The following MARCHF1 variants were observed in gnomAD, a reference collection of about 807,000 sequenced individuals.
MARCHF1 encodes the protein membrane associated ring-CH-type finger 1, also known as E3 ubiquitin-protein ligase MARCHF1.
In MARCHF1, 40 loss-of-function variants were observed where a neutral mutation model predicts 54.2. That is an observed-to-expected ratio of 0.74 (90% CI 0.57 to 0.96). The LOEUF (loss-of-function observed/expected upper bound fraction) is 0.96, where lower values mean the gene tolerates loss of function less well. Among genes scored for constraint, MARCHF1 ranks in the 40% least tolerant of loss-of-function variants. The pLI is 0.00. For synonymous variants in MARCHF1, 236 were observed against 236.3 expected (o/e 1.00, Z 0.01); for missense variants, 586 against 656.5 (o/e 0.89, Z 1.17).
chr4:164,136,105 A>G (rs1369325347), intron 1 of MARCHF1, among the ~76,000 whole-genome samples: 1 of 151,598 alleles, frequency 6.6e-6, no homozygotes, highest in Non-Finnish European at 1.5e-5. Flanking sequence ...GCAGATCAGC[A>G]TCAGTTTAAA....
chr4:163,917,007 TCTC>T (rs1751322023), intron 3 of MARCHF1, among the ~76,000 whole-genome samples: 1 of 152,116 alleles, frequency 6.6e-6, no homozygotes, highest in Admixed American at 6.6e-5. Flanking sequence ...CTCCTATTCA[TCTC>T]CTCCCCACAA....
At chr4:163,708,089 G>A (rs942787798) in intron 4 of MARCHF1, among the ~76,000 whole-genome samples, 1 of 151,574 alleles carries the variant, frequency 6.6e-6, no homozygotes, top group Non-Finnish European at 1.5e-5. Flanking sequence ...CTGGGAGTTA[G>A]TTGCAATCCC....
At chr4:164,323,378 GT>G in intron 1 of MARCHF1, among the ~76,000 whole-genome samples, 1 of 151,640 alleles carries the variant, frequency 6.6e-6, no homozygotes, top group East Asian at 1.9e-4. Flanking sequence ...AAAATATACA[GT>G]CTGTAGTGCC....
intron 8 of MARCHF1, among the ~76,000 whole-genome samples, chr4:163,578,086 C>G (rs759726527): frequency 1.5e-4 from 22 of 151,612 alleles, no homozygotes; most frequent in Non-Finnish European, 2.7e-4. Context: ...TTTATGCTTT[C>G]CATATAGATC....
At chr4:164,261,375 G>A (rs13101409) in intron 1 of MARCHF1, among the ~76,000 whole-genome samples, 17,596 of 151,934 alleles carry the variant, frequency 0.12, 1,576 homozygotes, top group African/African-American at 0.25. Flanking sequence ...TGTGTCAGTT[G>A]TCCAAAATCA....
At chr4:164,206,329 C>T (rs1351178831) in intron 1 of MARCHF1, among the ~76,000 whole-genome samples, 4 of 151,924 alleles carry the variant, frequency 2.6e-5, no homozygotes, top group Admixed American at 6.6e-5. Context: ...CCCAGCTACT[C>T]GGGAGGCTGA....
intron 1 of MARCHF1, among the ~76,000 whole-genome samples, chr4:164,172,027 T>C (rs1183437683): frequency 2.0e-5 from 3 of 152,206 alleles, no homozygotes; most frequent in Admixed American, 6.5e-5. Flanking sequence ...TGGGGTAGAA[T>C]TAAGATGTCA....
chr4:164,276,316 T>C (rs1202257403), intron 1 of MARCHF1, among the ~76,000 whole-genome samples: 1 of 152,176 alleles, frequency 6.6e-6, no homozygotes, highest in Non-Finnish European at 1.5e-5. Context: ...ACTTATATTT[T>C]TCGTCTTATT....
intron 3 of MARCHF1, among the ~76,000 whole-genome samples, chr4:163,898,601 C>A (rs1750869326): frequency 6.6e-6 from 1 of 152,140 alleles, no homozygotes; most frequent in Admixed American, 6.6e-5. Flanking sequence ...TAAATTAGTT[C>A]AACCTCTCTG....
chr4:164,039,740 G>T (rs1391278109), intron 2 of MARCHF1, among the ~76,000 whole-genome samples: 1 of 151,930 alleles, frequency 6.6e-6, no homozygotes, highest in Non-Finnish European at 1.5e-5. Flanking sequence ...CTTGACAGTA[G>T]AGTTTTATGA....
chr4:163,633,059 A>G (rs1291933243), intron 5 of MARCHF1, among the ~76,000 whole-genome samples: 2 of 151,714 alleles, frequency 1.3e-5, no homozygotes, highest in Non-Finnish European at 2.9e-5. Flanking sequence ...AGGAAAACTA[A>G]CAAACAGAAA....
chr4:163,880,027 A>G (rs1177624182), intron 3 of MARCHF1, among the ~76,000 whole-genome samples: 1 of 152,058 alleles, frequency 6.6e-6, no homozygotes. Context: ...ATATTCACAA[A>G]TTTATAAATT....
At chr4:164,275,683 G>GTAGA (rs144910563) in intron 1 of MARCHF1, among the ~76,000 whole-genome samples, 28,516 of 152,096 alleles carry the variant, frequency 0.19, 3,037 homozygotes, top group Admixed American at 0.3. Context: ...TATAAGAGAT[G>GTAGA]TAGATTTCAT....
intron 2 of MARCHF1, among the ~76,000 whole-genome samples, chr4:164,067,397 G>A (rs1645138578): frequency 6.6e-6 from 1 of 152,024 alleles, no homozygotes; most frequent in Non-Finnish European, 1.5e-5. Flanking sequence ...GTAGACCAAT[G>A]GAACAGAATA....
chr4:164,131,950 A>G (rs1056328769), intron 1 of MARCHF1, among the ~76,000 whole-genome samples: 2 of 152,192 alleles, frequency 1.3e-5, no homozygotes, highest in Admixed American at 1.3e-4. Context: ...TTACTTGAGA[A>G]TATTAATGTA....
Position 164,047,628 on chromosome 4 carries a change from T to C in MARCHF1, c.-247-58919A>G, listed in dbSNP as rs558581728. Among the ~76,000 whole-genome samples, 3 of 152,310 alleles carry C rather than the reference T, an allele frequency of 2.0e-5. No homozygotes were observed. In the South Asian group the frequency reaches 6.2e-4, roughly 32 times the overall value. On this transcript the variant is annotated intron_variant, in intron 2 of 9. Transcript: ENST00000514618. ...TCTAATGTCTTCTCATTTTTTTGTT[T>C]TCTAAACATACATACGTTCTTTCAC...
chr4:163,885,726 C>T (rs1000734363), intron 3 of MARCHF1, among the ~76,000 whole-genome samples: 4 of 151,708 alleles, frequency 2.6e-5, no homozygotes, highest in East Asian at 1.9e-4. Context: ...ATAATGTACA[C>T]AATATAATGA....
intron 1 of MARCHF1, among the ~76,000 whole-genome samples, chr4:164,367,772 CT>C (rs34205073): frequency 6.6e-6 from 1 of 151,656 alleles, no homozygotes; most frequent in Admixed American, 6.6e-5. Context: ...ATTTAATTAT[CT>C]TTTTTTAAAG....
At chr4:163,681,938 G>A (rs1744118491) in intron 5 of MARCHF1, among the ~76,000 whole-genome samples, 1 of 152,188 alleles carries the variant, frequency 6.6e-6, no homozygotes, top group Non-Finnish European at 1.5e-5. Context: ...GAAAATGTGG[G>A]AAAGTTTGGA....
Sources: allele counts gnomAD v4.1 joint callset (sites outside exome capture counted in the v4.1 genomes callset), GRCh38; gene constraint gnomAD v4.1.1; transcripts MANE v1.5; gene names NCBI Gene and HGNC (gene_info 2026-07-23, HGNC 2026-07-21).